UVSSA: variants seen among roughly 807,000 people sequenced by gnomAD.
The protein encoded by UVSSA is UV stimulated scaffold protein A.
In UVSSA, 72 loss-of-function variants were observed where a neutral mutation model predicts 73.9. The ratio of observed to expected loss-of-function variants is 0.97; its 90% CI spans 0.81 to 1.19. The LOEUF (loss-of-function observed/expected upper bound fraction) is 1.19. Ranked by LOEUF, UVSSA falls within the 50% of genes most tolerant of loss-of-function variation. The pLI is 0.00. For synonymous variants in UVSSA, 454 were observed against 391.3 expected, an observed-to-expected ratio of 1.16 and a Z score of -1.89; for missense variants, 1,150 against 965.0, an observed-to-expected ratio of 1.19 and a Z score of -2.54.
intron 13 of UVSSA, 166 bp downstream of exon 13, chr4:1,384,106 A>G: frequency 1.2e-6 from 1 of 839,286 alleles, no homozygotes; most frequent in Non-Finnish European, 1.8e-6. Flanking sequence ...GGGGAGGGGC[A>G]GTGCCAGCCA....
chr4:1,354,903 T>C, intron 6 of UVSSA, 56 bp downstream of exon 6: 1 of 1,460,304 alleles, frequency 6.8e-7, no homozygotes, highest in Non-Finnish European at 9.3e-7. Context: ...GTGCCATGCA[T>C]GGGGGGGGTC....
intron 8 of UVSSA, among the ~76,000 whole-genome samples, chr4:1,374,557 C>T (rs1362658539): frequency 1.3e-5 from 2 of 152,206 alleles, no homozygotes; most frequent in Non-Finnish European, 2.9e-5. Context: ...TGGCCTCGTC[C>T]CTGTCATCTC....
chr4:1,349,882 A>G, intron 3 of UVSSA, 28 bp downstream of exon 3: 5 of 1,500,590 alleles, frequency 3.3e-6, no homozygotes, highest in Non-Finnish European at 4.4e-6. Flanking sequence ...ATTTTTTCAG[A>G]GACTGGTTAC....
intron 7 of UVSSA, among the ~76,000 whole-genome samples, chr4:1,361,773 G>C (rs1716674312): frequency 6.6e-6 from 1 of 152,110 alleles, no homozygotes; most frequent in Non-Finnish European, 1.5e-5. Context: ...AGATAGAATG[G>C]GTTTTTAAAC....
chr4:1,354,528 C>G, intron 5 of UVSSA: 1 of 580,012 alleles, frequency 1.7e-6, no homozygotes, highest in Non-Finnish European at 3.1e-6. Flanking sequence ...TGAGGGGAGG[C>G]TTTGGTGTTA....
At chr4:1,392,726 G>A (rs1451968652), downstream of UVSSA, 3 of 152,204 alleles carry the variant, frequency 2.0e-5, no homozygotes, top group African/African-American at 7.2e-5. Flanking sequence ...CCTACCTGCA[G>A]TTCTTTGAGC....
chr4:1,357,535 G>A (rs1028555948), intron 7 of UVSSA, among the ~76,000 whole-genome samples: 1 of 152,250 alleles, frequency 6.6e-6, no homozygotes, highest in Non-Finnish European at 1.5e-5. Context: ...GCTTGGGTGA[G>A]GATGAGGAGC....
chr4:1,374,627 C>T (rs552501702), intron 8 of UVSSA, among the ~76,000 whole-genome samples: 4 of 152,348 alleles, frequency 2.6e-5, no homozygotes, highest in African/African-American at 9.6e-5. Context: ...GGGGCGGACC[C>T]TCTTCGACGG....
rs1438377413 is a variant in UVSSA, at chr4:1,352,904, C to T, written c.551-126C>T. The T allele has an allele frequency of 7.7e-6, 10 of 1,300,768 alleles. No individual in the cohort carries two copies. In the African/African-American group the frequency reaches 1.3e-4, roughly 17 times the overall value. 80.6% of individuals were successfully genotyped at this position (1,300,768 alleles called of 1,614,324 possible). A position where few individuals can be genotyped will look rare whatever the true frequency, so the allele number is the denominator to read the frequency against. On this transcript the variant is annotated intron_variant, in intron 4 of 13. Coordinates refer to ENST00000389851, the MANE Select transcript of UVSSA (RefSeq NM_020894.4). ...AGGCTGGGGTGAGCTGTGATTGCAC[C>T]ACTGCATTCCACCTGGTGCTGAAAA... is the stretch of plus-strand genomic sequence containing the variant.
At chr4:1,375,331 T>A (rs1157633922) in intron 8 of UVSSA, 33 bp from the exon 9 acceptor site, 4 of 1,607,900 alleles carry the variant, frequency 2.5e-6, no homozygotes, top group Non-Finnish European at 3.4e-6. Flanking sequence ...GTTGTGGGAG[T>A]GGTGGCAGGG....
rs1417029034 is a variant in UVSSA, at chr4:1,386,771, G to A, written c.*810G>A. The A allele has an allele frequency of 6.6e-6, 1 of 151,792 alleles. No individual in the cohort carries two copies. Among genetic ancestry groups the A allele is most frequent in the Non-Finnish European group, 1.5e-5 (1 of 67,974 alleles). The allele number at this position is 151,792 out of a possible 1,614,324, so 9.4% of individuals were successfully genotyped here. On this transcript the variant is annotated 3_prime_UTR_variant, in exon 14 of 14. Coordinates refer to ENST00000389851, the MANE Select transcript of UVSSA (RefSeq NM_020894.4). The stretch of plus-strand genomic sequence containing the variant: ...GCTTTTGCTCTTACCCAGGCTGAGT[G>A]CAGTGGCAGAATCATAGCTCAGTGC...
chr4:1,386,223 G>T lies in UVSSA; in HGVS notation c.*262G>T, dbSNP rs1720102543. 2.2e-6 allele frequency: 1 copy of T among 454,816 alleles called. No homozygotes were observed. The highest frequency in any genetic ancestry group is 3.5e-5 in the Admixed American group (1 of 28,746). The allele number at this position is 454,816 out of a possible 1,614,324, so 28.2% of individuals were successfully genotyped here. A position where few individuals can be genotyped will look rare whatever the true frequency, so the allele number is the denominator to read the frequency against. On this transcript the variant is annotated 3_prime_UTR_variant, in exon 14 of 14. Transcript: ENST00000389851. ...CACAGGCAGCGACCCTGTTCCAGAG[G>T]GCTTCTGCGAGTCCTCGTGAGACCA...
chr4:1,362,385 A>G (rs1157720843), intron 7 of UVSSA, among the ~76,000 whole-genome samples: 1 of 152,160 alleles, frequency 6.6e-6, no homozygotes, highest in African/African-American at 2.4e-5. Flanking sequence ...CCATTAGGGA[A>G]GGTGTGGGCA....
Position 1,366,408 on chromosome 4 carries a change from C to G in UVSSA, c.1265C>G (p.Pro422Arg), listed in dbSNP as rs1183801446. 1 of 1,612,674 alleles carries G rather than the reference C, an allele frequency of 6.2e-7. No homozygotes were observed. Among genetic ancestry groups the G allele is most frequent in the Admixed American group, 1.7e-5 (1 of 59,784 alleles). Residue 422 changes from proline to arginine, a missense_variant, in exon 8 of 14, where the codon CCC (proline) becomes CGC (arginine). Pro to Arg is a moderately radical substitution (Grantham distance 103, BLOSUM62 -2). Coordinates refer to ENST00000389851, the MANE Select transcript of UVSSA (RefSeq NM_020894.4). The part of the protein sequence containing the change: ...PEKEGYEPHI[P>R]DHLRPEYGLE... ...AAGGAGGGGTATGAGCCACACATCCCCGACCACTTGCGGCCTGAGTATGGT... is the reference window on the plus strand; with the variant it reads ...AAGGAGGGGTATGAGCCACACATCCGCGACCACTTGCGGCCTGAGTATGGT...
At chr4:1,347,009 G>A (rs1157282511), upstream of UVSSA, among the ~76,000 whole-genome samples, 1 of 152,216 alleles carries the variant, frequency 6.6e-6, no homozygotes, top group South Asian at 2.1e-4. Flanking sequence ...TGGCTGTCGA[G>A]CTCAGGGCAC....
rs373234594 is a variant in UVSSA, at chr4:1,385,992, A to G, written c.*31A>G. The G allele has an allele frequency of 1.9e-6, 3 of 1,609,400 alleles. No individual in the cohort carries two copies. In the African/African-American group the frequency reaches 4.0e-5, roughly 22 times the overall value. On this transcript the variant is annotated 3_prime_UTR_variant, in exon 14 of 14. Transcript: ENST00000389851. The stretch of plus-strand genomic sequence containing the variant: ...GGGGCCCAGTGCACTGGCCATCAGC[A>G]CTTTCTCCCTCTGCCAGTGTCTCAG...
At chr4:1,391,230 G>A (rs1720407004), downstream of UVSSA, 1 of 148,796 alleles carries the variant, frequency 6.7e-6, no homozygotes, top group Non-Finnish European at 1.5e-5. Flanking sequence ...TGGGTCAGAG[G>A]TTGGTGTGTG....
intron 12 of UVSSA, 113 bp downstream of exon 12, chr4:1,381,101 A>G: frequency 4.0e-6 from 4 of 996,340 alleles, no homozygotes; most frequent in South Asian, 1.6e-5. Context: ...AGCTTCGTCC[A>G]TGGAGCTACA....
In UVSSA at chr4:1,372,853, C is replaced by T. The variant is rs535211157; in HGVS notation, c.1289-2511C>T. Among the ~76,000 whole-genome samples the T allele has an allele frequency of 1.2e-4, 8 of 68,996 alleles. 1 individual carries two copies. The South Asian group carries it at 1.7e-3, about 15-fold the overall frequency. The allele number at this position is 68,996 out of a possible 152,430, so 45.3% of individuals were successfully genotyped here. A position where few individuals can be genotyped will look rare whatever the true frequency, so the allele number is the denominator to read the frequency against. Reference sequence around the variant, plus strand: ...CCCGCGTCTCAGGGCACTCACCTCCCGCGTCCCTGCACTCACCTCCCGCGT... The same window carrying T: ...CCCGCGTCTCAGGGCACTCACCTCCTGCGTCCCTGCACTCACCTCCCGCGT... On this transcript the variant is annotated intron_variant, in intron 8 of 13. Coordinates refer to ENST00000389851, the MANE Select transcript of UVSSA (RefSeq NM_020894.4).
Sources: allele counts gnomAD v4.1 joint callset (sites outside exome capture counted in the v4.1 genomes callset), GRCh38; gene constraint gnomAD v4.1.1; transcripts MANE v1.5; gene names NCBI Gene and HGNC (gene_info 2026-07-23, HGNC 2026-07-21).